IMMP2L: variants seen among roughly 807,000 people sequenced by gnomAD.
The protein encoded by IMMP2L is inner mitochondrial membrane peptidase subunit 2.
A neutral mutation model predicts 19.3 loss-of-function variants in IMMP2L; 18 were observed. That is an observed-to-expected ratio of 0.93 (90% CI 0.64 to 1.38). IMMP2L has a LOEUF of 1.38. Among genes scored for constraint, IMMP2L ranks in the 40% most tolerant of loss-of-function variants. The probability of loss-of-function intolerance (pLI) is 0.00; values close to 1 mark genes in which losing one functional copy is unlikely to be tolerated. For synonymous variants in IMMP2L, 76 were observed against 73.0 expected (o/e 1.04, Z -0.21); for missense variants, 233 against 218.2 (o/e 1.07, Z -0.43).
Position 110,730,585 on chromosome 7 carries a change from T to TGGC in IMMP2L, c.409-66865_409-66864insGCC, listed in dbSNP as rs757937016. Among the ~76,000 whole-genome samples the TGGC allele has an allele frequency of 6.5e-3, 991 of 151,592 alleles. 9 individuals are homozygous for TGGC. Among genetic ancestry groups the TGGC allele is most frequent in the Admixed American group, 0.011 (169 of 15,222 alleles). On this transcript the variant is annotated intron_variant, in intron 5 of 5. Transcript: ENST00000405709. ...GCTCTGTTGCCCAGGCTGGAGTGCA[T>TGGC]GCCATCTCGGCTCACTGCAAGCTCC...
chr7:111,446,684 G>A (rs1186484448), intron 3 of IMMP2L, among the ~76,000 whole-genome samples: 1 of 152,198 alleles, frequency 6.6e-6, no homozygotes, highest in Non-Finnish European at 1.5e-5. Context: ...TTCCTCACCA[G>A]CAACGGAACA....
chr7:111,320,375 T>C (rs888687218), intron 3 of IMMP2L, among the ~76,000 whole-genome samples: 1 of 152,100 alleles, frequency 6.6e-6, no homozygotes, highest in Non-Finnish European at 1.5e-5. Flanking sequence ...TTCATTTCTC[T>C]CTCACTTCCT....
chr7:111,205,281 A>G (rs953702222), intron 3 of IMMP2L, among the ~76,000 whole-genome samples: 1 of 152,182 alleles, frequency 6.6e-6, no homozygotes, highest in Non-Finnish European at 1.5e-5. Context: ...TCTTAATACT[A>G]TCACATTGGT....
chr7:111,261,396 C>A (rs189964106), intron 3 of IMMP2L, among the ~76,000 whole-genome samples: 1 of 152,192 alleles, frequency 6.6e-6, no homozygotes, highest in Admixed American at 6.5e-5. Context: ...AGGAATTATT[C>A]TTCTTTGTCT....
intron 3 of IMMP2L, among the ~76,000 whole-genome samples, chr7:111,051,673 C>G (rs1356636322): frequency 6.6e-6 from 1 of 152,132 alleles, no homozygotes; most frequent in Admixed American, 6.5e-5. Context: ...AAAATGGATT[C>G]ATTCTAATTG....
chr7:111,391,482 C>T (rs965987722), intron 3 of IMMP2L, among the ~76,000 whole-genome samples: 2 of 152,036 alleles, frequency 1.3e-5, no homozygotes, highest in East Asian at 3.9e-4. Context: ...GTAAGTACAA[C>T]GCTTTGCAAA....
chr7:110,962,059 A>C, intron 4 of IMMP2L, among the ~76,000 whole-genome samples: 1 of 151,954 alleles, frequency 6.6e-6, no homozygotes, highest in South Asian at 2.1e-4. Flanking sequence ...AAATGGGTGA[A>C]TTGTATGGTA....
rs568776280 is a variant in IMMP2L at position 111,388,753 on chromosome 7, T to C, written c.239+98485A>G. 9.2e-5 allele frequency among the ~76,000 whole-genome samples: 14 copies of C among 151,992 alleles called. No homozygotes were observed. In the East Asian group the frequency reaches 1.7e-3, roughly 19 times the overall value. ...TGAGACTTATTCACTACCACGAGAA[T>C]AGCACAGGAAAGACCGGCCCCCATG... On this transcript the variant is annotated intron_variant, in intron 3 of 5. Coordinates refer to ENST00000405709, the MANE Select transcript of IMMP2L (RefSeq NM_032549.4).
rs1294442232 is a variant in IMMP2L, at chr7:111,213,636, A to G, written c.240-250071T>C. Among the ~76,000 whole-genome samples the G allele has an allele frequency of 6.6e-6, 1 of 152,152 alleles. No individual in the cohort carries two copies. Among genetic ancestry groups the G allele is most frequent in the African/African-American group, 2.4e-5 (1 of 41,436 alleles). ...GCCCACAAGAACCCCAGACTCACCCAGACTCAAGAAATCGATGGAACCACT... is the reference window on the plus strand; with the variant it reads ...GCCCACAAGAACCCCAGACTCACCCGGACTCAAGAAATCGATGGAACCACT... On this transcript the variant is annotated intron_variant, in intron 3 of 5. Coordinates refer to ENST00000405709, the MANE Select transcript of IMMP2L (RefSeq NM_032549.4). This position sits in a 1 kb window ranked among gnomAD's most constrained non-coding sequence, Gnocchi z 4.8.
rs375295774 is a variant in IMMP2L at position 110,996,378 on chromosome 7, AG to A, written c.240-32814del. Among the ~76,000 whole-genome samples, 309 of 152,186 alleles carry A rather than the reference AG, an allele frequency of 2.0e-3. 2 individuals carry two copies. The highest frequency in any genetic ancestry group is 7.1e-3 in the African/African-American group (293 of 41,544). On this transcript the variant is annotated intron_variant, in intron 3 of 5. Transcript: ENST00000405709. ...CTGTGGCGGGAGCAGAGAGAACGAG[AG>A]GGGGGTTGGCATAAAAGGAAGCTGT...
intron 3 of IMMP2L, among the ~76,000 whole-genome samples, chr7:111,177,533 T>C (rs1365645809): frequency 6.6e-6 from 1 of 152,020 alleles, no homozygotes; most frequent in Admixed American, 6.6e-5. Flanking sequence ...TCTCTTATAA[T>C]GATTAAACTT....
chr7:111,440,325 A>G (rs181014939), intron 3 of IMMP2L, among the ~76,000 whole-genome samples: 2 of 152,004 alleles, frequency 1.3e-5, no homozygotes, highest in Admixed American at 1.3e-4. Context: ...TAACAAATGT[A>G]CTTCTTAAGT....
intron 3 of IMMP2L, among the ~76,000 whole-genome samples, chr7:110,997,947 T>C (rs1028177533): frequency 8.5e-5 from 13 of 152,194 alleles, no homozygotes; most frequent in Non-Finnish European, 7.3e-5. Flanking sequence ...TGAGATGCTA[T>C]AGAAATAGAA....
chr7:110,860,793 T>C (rs1476779979), intron 5 of IMMP2L, among the ~76,000 whole-genome samples: 1 of 152,022 alleles, frequency 6.6e-6, no homozygotes, highest in East Asian at 1.9e-4. Context: ...GTTAAAGCCA[T>C]TTTGGAAAAA....
intron 5 of IMMP2L, among the ~76,000 whole-genome samples, chr7:110,878,225 T>C (rs1333542680): frequency 6.6e-6 from 1 of 152,170 alleles, no homozygotes; most frequent in African/African-American, 2.4e-5. Context: ...AGGAAACATT[T>C]GTGACTACTT....
intron 3 of IMMP2L, among the ~76,000 whole-genome samples, chr7:111,055,046 T>C (rs2129573705): frequency 6.7e-6 from 1 of 149,544 alleles, no homozygotes; most frequent in East Asian, 2.0e-4. Context: ...ACACGTTTCT[T>C]CCTTCTTTTT....
intron 3 of IMMP2L, among the ~76,000 whole-genome samples, chr7:111,036,044 T>C (rs1007115284): frequency 3.7e-4 from 57 of 152,212 alleles, no homozygotes; most frequent in African/African-American, 1.3e-3. Flanking sequence ...TCTATAACTT[T>C]TAGTCATTAT....
intron 5 of IMMP2L, among the ~76,000 whole-genome samples, chr7:110,767,032 T>G (rs888161027): frequency 6.6e-6 from 1 of 152,178 alleles, no homozygotes; most frequent in Admixed American, 6.5e-5. Flanking sequence ...CATTAATGAT[T>G]ACGTGGAAGC....
intron 4 of IMMP2L, among the ~76,000 whole-genome samples, chr7:110,934,825 C>T (rs1001088624): frequency 1.3e-5 from 2 of 152,048 alleles, no homozygotes; most frequent in South Asian, 4.1e-4. Context: ...GCAACCACTG[C>T]TTTTTTTGCT....
Sources: gnomAD v4.1 joint callset for allele counts (sites outside exome capture counted in the v4.1 genomes callset) on GRCh38, gnomAD v4.1.1 for gene constraint, Gnocchi (gnomAD v3.1) non-coding constraint, MANE v1.5 for transcripts, NCBI Gene and HGNC (gene_info 2026-07-23, HGNC 2026-07-21) for gene names.